SORCS2: variants seen among roughly 807,000 people sequenced by gnomAD.
SORCS2 encodes the protein VPS10 domain-containing receptor SorCS2.
Under a neutral mutation model 141.6 loss-of-function variants are expected in SORCS2, and 100 were observed. The observed-to-expected ratio is 0.71, with a 90% CI of 0.60 to 0.83. The LOEUF (loss-of-function observed/expected upper bound fraction) is 0.83, where lower values mean the gene tolerates loss of function less well. Among genes scored for constraint, SORCS2 ranks in the 40% least tolerant of loss-of-function variants. The probability of loss-of-function intolerance (pLI) is 0.00; values close to 1 mark genes in which losing one functional copy is unlikely to be tolerated. For synonymous variants in SORCS2, 789 were observed against 676.9 expected, an observed-to-expected ratio of 1.17 and a Z score of -2.57; for missense variants, 1,646 against 1,560.2, an observed-to-expected ratio of 1.05 and a Z score of -0.93.
chr4:7,225,865 G>A (rs1385606979), intron 1 of SORCS2, among the ~76,000 whole-genome samples: 2 of 152,300 alleles, frequency 1.3e-5, no homozygotes, highest in Middle Eastern at 3.4e-3. Context: ...TGGCGAGGGG[G>A]TTCCTGCAGA....
intron 1 of SORCS2, among the ~76,000 whole-genome samples, chr4:7,225,843 A>C (rs1057246619): frequency 6.6e-5 from 10 of 152,016 alleles, no homozygotes; most frequent in Admixed American, 4.6e-4. Context: ...TGCTGCCATG[A>C]GGCCTGTGCT....
At chr4:7,476,310 C>T (rs1730288138) in intron 2 of SORCS2, among the ~76,000 whole-genome samples, 1 of 152,132 alleles carries the variant, frequency 6.6e-6, no homozygotes, top group Non-Finnish European at 1.5e-5. Flanking sequence ...AAGTCAGGAA[C>T]CTGTAGGTCA....
At chr4:7,470,473 T>G (rs1280668930) in intron 2 of SORCS2, among the ~76,000 whole-genome samples, 1 of 152,228 alleles carries the variant, frequency 6.6e-6, no homozygotes. Context: ...GATGGACAGC[T>G]GCATGGGTTC....
At chr4:7,519,394 G>C (rs1733182944) in intron 2 of SORCS2, among the ~76,000 whole-genome samples, 1 of 152,214 alleles carries the variant, frequency 6.6e-6, no homozygotes, top group Non-Finnish European at 1.5e-5. Flanking sequence ...CAGATGCATA[G>C]TTTGGAACTC....
At chr4:7,528,349 G>T (rs188170468) in intron 2 of SORCS2, among the ~76,000 whole-genome samples, 1 of 152,144 alleles carries the variant, frequency 6.6e-6, no homozygotes, top group East Asian at 1.9e-4. Flanking sequence ...CTGAGGAATT[G>T]GGTTTGCATT....
At chr4:7,599,894 G>A (rs774990839) in intron 3 of SORCS2, among the ~76,000 whole-genome samples, 2 of 151,212 alleles carry the variant, frequency 1.3e-5, no homozygotes, top group Non-Finnish European at 2.9e-5. Flanking sequence ...CATGATATCA[G>A]CTCACTACAG....
intron 2 of SORCS2, among the ~76,000 whole-genome samples, chr4:7,427,291 C>T (rs1577542562): frequency 6.6e-6 from 1 of 152,282 alleles, no homozygotes; most frequent in Middle Eastern, 3.4e-3. Context: ...CTGTTTTTAT[C>T]CCATCCCTTG....
At chr4:7,467,035 G>A (rs796842924) in intron 2 of SORCS2, among the ~76,000 whole-genome samples, 39 of 152,292 alleles carry the variant, frequency 2.6e-4, no homozygotes, top group African/African-American at 9.1e-4. Flanking sequence ...CAGAGGCAGA[G>A]TGTTTGGAGG....
intron 1 of SORCS2, among the ~76,000 whole-genome samples, chr4:7,342,331 C>G (rs984135680): frequency 3.9e-5 from 6 of 152,232 alleles, no homozygotes; most frequent in African/African-American, 1.4e-4. Flanking sequence ...GGGCCCTGTG[C>G]CTGGAAGAGC....
At chr4:7,738,279 C>G (rs906030347) in intron 26 of SORCS2, among the ~76,000 whole-genome samples, 1 of 152,242 alleles carries the variant, frequency 6.6e-6, no homozygotes. Context: ...CATGCCGTGT[C>G]GGGCAAGTGC....
intron 2 of SORCS2, among the ~76,000 whole-genome samples, chr4:7,517,299 C>T (rs1733050824): frequency 6.6e-6 from 1 of 152,186 alleles, no homozygotes; most frequent in Non-Finnish European, 1.5e-5. Context: ...CGACTCGAAG[C>T]ATCCTCTAAG....
At chr4:7,381,082 CA>C (rs397745880) in intron 1 of SORCS2, among the ~76,000 whole-genome samples, 265 of 103,926 alleles carry the variant, frequency 2.5e-3, no homozygotes, top group African/African-American at 3.6e-3. Context: ...ACTCTGTCTC[CA>C]AAAAAAAAAA....
At chr4:7,284,680 G>C (rs988521962) in intron 1 of SORCS2, among the ~76,000 whole-genome samples, 1 of 152,188 alleles carries the variant, frequency 6.6e-6, no homozygotes, top group Non-Finnish European at 1.5e-5. Context: ...CATACAGGCT[G>C]TTTATGGCAG....
chr4:7,214,073 G>A (rs1728192869), intron 1 of SORCS2, among the ~76,000 whole-genome samples: 1 of 152,174 alleles, frequency 6.6e-6, no homozygotes, highest in African/African-American at 2.4e-5. Context: ...GAGAAGGTGA[G>A]TCACAGTTGG....
At chr4:7,624,869 C>G (rs1046056682) in intron 3 of SORCS2, among the ~76,000 whole-genome samples, 5 of 152,314 alleles carry the variant, frequency 3.3e-5, no homozygotes, top group Admixed American at 2.6e-4. Flanking sequence ...AGCCTCAGCG[C>G]AAAACCCCTT....
chr4:7,204,615 T>C (rs1025541422), intron 1 of SORCS2, among the ~76,000 whole-genome samples: 16 of 152,088 alleles, frequency 1.1e-4, no homozygotes, highest in Admixed American at 1.3e-4. Flanking sequence ...AGTAGCACAA[T>C]TGCAACCCCC....
chr4:7,727,693 T>G (rs1727320989), intron 21 of SORCS2, among the ~76,000 whole-genome samples: 1 of 152,180 alleles, frequency 6.6e-6, no homozygotes, highest in African/African-American at 2.4e-5. Flanking sequence ...GGGTTTGCAG[T>G]CCTCAAAGCA....
intron 4 of SORCS2, among the ~76,000 whole-genome samples, chr4:7,645,241 C>T (rs1720996506): frequency 1.3e-5 from 2 of 152,076 alleles, no homozygotes; most frequent in South Asian, 4.1e-4. Flanking sequence ...CTCGGATGAC[C>T]CAGAGAAAGG....
chr4:7,481,863 T>C (rs529887922), intron 2 of SORCS2, among the ~76,000 whole-genome samples: 54 of 152,196 alleles, frequency 3.5e-4, no homozygotes, highest in Non-Finnish European at 6.9e-4. Context: ...TGGATGGTTC[T>C]GCCTCTCCCC....
Sources: gnomAD v4.1 joint callset for allele counts (sites outside exome capture counted in the v4.1 genomes callset) on GRCh38, gnomAD v4.1.1 for gene constraint, MANE v1.5 for transcripts, NCBI Gene and HGNC (gene_info 2026-07-23, HGNC 2026-07-21) for gene names.